The following SGSM2 variants were observed in gnomAD, a reference collection of about 807,000 sequenced individuals.
SGSM2 encodes small G protein signaling modulator 2, also known as RUN and TBC1 domain containing 1.
SGSM2 carries 89 observed loss-of-function variants against 126.6 expected under a neutral mutation model. The ratio of observed to expected loss-of-function variants is 0.70; its 90% CI spans 0.59 to 0.84. The LOEUF is 0.84. SGSM2 is among the 40% of genes least tolerant of loss of function. The pLI is 0.00. For synonymous variants in SGSM2, 614 were observed against 574.3 expected (o/e 1.07, Z -0.99); for missense variants, 1,404 against 1,416.6 (o/e 0.99, Z 0.14).
chr17:2,351,636 C>T (rs891412855), intron 2 of SGSM2, among the ~76,000 whole-genome samples: 2 of 152,138 alleles, frequency 1.3e-5, no homozygotes, highest in Non-Finnish European at 2.9e-5. Context: ...TTTCCCCCTC[C>T]TTGGTTCTAG....
rs1325827458 is a variant in SGSM2, at chr17:2,363,830, C to T, written c.808-229C>T. Reference sequence around the variant, plus strand: ...AGTCCGCAGTGTGGGTATGGCTGGCCTGGAATGGACCTGGCATCCAGGAGG... The same window carrying T: ...AGTCCGCAGTGTGGGTATGGCTGGCTTGGAATGGACCTGGCATCCAGGAGG... On this transcript the variant is annotated intron_variant, in intron 7 of 23. Transcript: ENST00000268989. This position sits in a 1 kb window ranked among gnomAD's most constrained non-coding sequence, Gnocchi z 4.2. 3.8e-6 allele frequency: 3 copies of T among 794,706 alleles called. No individual in the cohort carries two copies. The highest frequency in any genetic ancestry group is 2.7e-5 in the East Asian group (1 of 37,272). 49.2% of individuals were successfully genotyped at this position (794,706 alleles called of 1,614,324 possible). A position where few individuals can be genotyped will look rare whatever the true frequency, so the allele number is the denominator to read the frequency against.
Position 2,375,809 on chromosome 17 carries a change from G to C in SGSM2, c.2418G>C (p.Glu806Asp). The change falls in exon 18 of 24, where the codon GAG becomes GAC. Residue 806 changes from glutamate (E) to aspartate (D), a missense_variant. Physicochemically the swap from Glu to Asp is conservative, Grantham distance 45. Coordinates refer to ENST00000268989, the MANE Select transcript of SGSM2 (RefSeq NM_014853.3). Reference sequence around the variant, plus strand: ...GGGAGCCCCAGGATCCCAGCCAGGAGAAGCCTCAGGCCGGAGAACTGGAGG... The same window carrying C: ...GGGAGCCCCAGGATCCCAGCCAGGACAAGCCTCAGGCCGGAGAACTGGAGG... The part of the protein sequence containing the change: ...TLREPQDPSQ[E>D]KPQAGELEAG... 1.3e-6 allele frequency: 2 copies of C among 1,565,146 alleles called. No individual in the cohort carries two copies. Among genetic ancestry groups the C allele is most frequent in the Non-Finnish European group, 1.7e-6 (2 of 1,155,986 alleles).
chr17:2,350,974 T>C (rs2064820677), intron 2 of SGSM2, among the ~76,000 whole-genome samples: 1 of 151,986 alleles, frequency 6.6e-6, no homozygotes, highest in African/African-American at 2.4e-5. Flanking sequence ...GCCCGTGGGC[T>C]GGGCGTGGTG....
In SGSM2 at chr17:2,337,538, G is replaced by C. The variant is rs1359381127; in HGVS notation, c.-151G>C. The stretch of plus-strand genomic sequence containing the variant: ...GAAGATGGCTGCGGAGCCGAGCACC[G>C]GGCAGTGGCTGCGGCGGCGGCGGCG... On this transcript the variant is annotated 5_prime_UTR_variant, in exon 1 of 24. Coordinates refer to ENST00000268989, the MANE Select transcript of SGSM2 (RefSeq NM_014853.3). This position sits in a 1 kb window ranked among gnomAD's most constrained non-coding sequence, Gnocchi z 5.1. 2 of 239,686 alleles carry C rather than the reference G, an allele frequency of 8.3e-6. No homozygotes were observed. Among genetic ancestry groups the C allele is most frequent in the Non-Finnish European group, 1.4e-5 (2 of 141,788 alleles). 14.8% of individuals were successfully genotyped at this position (239,686 alleles called of 1,614,324 possible).
chr17:2,353,310 T>G (rs900592195), intron 2 of SGSM2, among the ~76,000 whole-genome samples: 1 of 152,150 alleles, frequency 6.6e-6, no homozygotes, highest in Non-Finnish European at 1.5e-5. Flanking sequence ...CGACCCAGCC[T>G]TCCTGGGTTT....
chr17:2,370,536 G>A (rs544021411), intron 12 of SGSM2, among the ~76,000 whole-genome samples: 71 of 133,646 alleles, frequency 5.3e-4, no homozygotes, highest in African/African-American at 1.5e-3. Flanking sequence ...CAGTGGCCTC[G>A]TAGTCCTGGG....
chr17:2,349,819 C>G (rs547975771), intron 2 of SGSM2, among the ~76,000 whole-genome samples: 35 of 150,620 alleles, frequency 2.3e-4, no homozygotes, highest in Admixed American at 7.3e-4. Context: ...ATGGAGTCTC[C>G]CTCTGTCGCC....
intron 2 of SGSM2, among the ~76,000 whole-genome samples, chr17:2,352,117 G>A (rs1203433186): frequency 2.0e-5 from 3 of 152,156 alleles, no homozygotes; most frequent in East Asian, 1.9e-4. Flanking sequence ...TCCTTCCACC[G>A]GCAGTTGGAG....
In SGSM2 at chr17:2,363,010, A is replaced by T; in HGVS notation, c.548A>T (p.Tyr183Phe). The change falls in exon 6 of 24, where the codon TAC becomes TTC. Residue 183 changes from tyrosine to phenylalanine, a missense_variant. Coordinates refer to ENST00000268989, the MANE Select transcript of SGSM2 (RefSeq NM_014853.3). The surrounding 1 kb of genome is among the most constrained non-coding windows in gnomAD (Gnocchi z 4.2). ...ACAGTGGGACCCTGTGCCTTGGAATACACTAAGCTCAAGACAGCCGATCAC... is the reference window on the plus strand; with the variant it reads ...ACAGTGGGACCCTGTGCCTTGGAATTCACTAAGCTCAAGACAGCCGATCAC... The part of the protein sequence containing the change: ...SLLVGPCALE[Y>F]TKLKTADHYW... The T allele has an allele frequency of 6.2e-7, 1 of 1,614,002 alleles. No homozygotes were observed. Among genetic ancestry groups the T allele is most frequent in the Non-Finnish European group, 8.5e-7 (1 of 1,180,032 alleles).
Position 2,372,943 on chromosome 17 carries a change from G to C in SGSM2, c.1789-10G>C, listed in dbSNP as rs1300870729. Reference sequence around the variant, plus strand: ...GAGGCTGCACAGTCTTGACTCCCCGGGTCCCTCAGAACTACAAAGAGCTGG... The same window carrying C: ...GAGGCTGCACAGTCTTGACTCCCCGCGTCCCTCAGAACTACAAAGAGCTGG... On this transcript the variant is annotated splice_polypyrimidine_tract_variant and intron_variant, in intron 15 of 23. Transcript: ENST00000268989. The surrounding 1 kb of genome is among the most constrained non-coding windows in gnomAD (Gnocchi z 6.0). 6.4e-7 allele frequency: 1 copy of C among 1,557,452 alleles called. No homozygotes were observed. The highest frequency in any genetic ancestry group is 8.7e-7 in the Non-Finnish European group (1 of 1,150,296).
At chr17:2,348,478 A>G (rs1386004360) in intron 2 of SGSM2, among the ~76,000 whole-genome samples, 1 of 152,142 alleles carries the variant, frequency 6.6e-6, no homozygotes, top group Non-Finnish European at 1.5e-5. Flanking sequence ...CCATCTAGAA[A>G]TGATCTAAGA....
At position 2,363,384 on chromosome 17, in the gene SGSM2, G is replaced by A. The variant is rs2065408154; in HGVS notation, c.673-81G>A. On this transcript the variant is annotated intron_variant, in intron 6 of 23. Coordinates refer to ENST00000268989, the MANE Select transcript of SGSM2 (RefSeq NM_014853.3). This position sits in a 1 kb window ranked among gnomAD's most constrained non-coding sequence, Gnocchi z 4.2. ...GGACCCCTGGGGTCAGCTGGAGAGG[G>A]TCAGCATGGAAGCGTGAGGGTTCCC... The A allele has an allele frequency of 5.0e-6, 8 of 1,590,550 alleles. No homozygotes were observed. In the South Asian group the frequency reaches 5.5e-5, roughly 11 times the overall value.
intron 9 of SGSM2, 38 bp downstream of exon 9, chr17:2,364,701 G>A: frequency 1.2e-6 from 2 of 1,611,210 alleles, no homozygotes; most frequent in East Asian, 4.5e-5. Context: ...TGGGAAGGGA[G>A]AGGCTGCCTT....
At chr17:2,340,791 A>G (rs142769156) in intron 1 of SGSM2, among the ~76,000 whole-genome samples, 9,358 of 151,452 alleles carry the variant, frequency 0.062, 384 homozygotes, top group Middle Eastern at 0.12. Context: ...TCACCATGTT[A>G]GCCAGGATGG....
Position 2,367,287 on chromosome 17 carries a change from C to T in SGSM2, c.1305C>T (p.His435=). ...HRHEHITINY[H]HLAASRAASV... is the part of the protein sequence containing the mutation. The stretch of plus-strand genomic sequence containing the variant: ...TTTGAGCAGTCACTATTAACTACCA[C>T]CACCTAGCGGCCAGCCGCGCGGCCT... Residue 435 remains histidine, a synonymous_variant, in exon 12 of 24, where the codon CAC becomes CAT. Coordinates refer to ENST00000268989, the MANE Select transcript of SGSM2 (RefSeq NM_014853.3). The surrounding 1 kb of genome is among the most constrained non-coding windows in gnomAD (Gnocchi z 4.0). 1 of 1,613,600 alleles carries T rather than the reference C, an allele frequency of 6.2e-7. No individual in the cohort carries two copies. Among genetic ancestry groups the T allele is most frequent in the Non-Finnish European group, 8.5e-7 (1 of 1,179,784 alleles).
At chr17:2,352,786 T>C (rs1389409617) in intron 2 of SGSM2, among the ~76,000 whole-genome samples, 2 of 124,982 alleles carry the variant, frequency 1.6e-5, no homozygotes. Flanking sequence ...TTTTTTTTTT[T>C]TTTTTTTTTG....
At chr17:2,341,190 C>T (rs1487692543) in intron 1 of SGSM2, among the ~76,000 whole-genome samples, 1 of 152,066 alleles carries the variant, frequency 6.6e-6, no homozygotes, top group Non-Finnish European at 1.5e-5. Flanking sequence ...GCGATCTCAG[C>T]TCACTGCAAC....
chr17:2,361,532 G>T (rs2065308002), intron 2 of SGSM2, 105 bp from the exon 3 acceptor site: 1 of 1,425,662 alleles, frequency 7.0e-7, no homozygotes, highest in Non-Finnish European at 9.6e-7. Context: ...CCTGCCCTTG[G>T]CTTGCCCTTA....
At chr17:2,357,295 G>C (rs2065126052) in intron 2 of SGSM2, among the ~76,000 whole-genome samples, 1 of 152,022 alleles carries the variant, frequency 6.6e-6, no homozygotes, top group South Asian at 2.1e-4. Flanking sequence ...GGATGGGATG[G>C]GCTGACAGGG....
Sources: allele counts gnomAD v4.1 joint callset (sites outside exome capture counted in the v4.1 genomes callset), GRCh38; gene constraint gnomAD v4.1.1; non-coding constraint Gnocchi (gnomAD v3.1); transcripts MANE v1.5; gene names NCBI Gene and HGNC (gene_info 2026-07-23, HGNC 2026-07-21).